The following C10orf90 variants were observed in gnomAD, a reference collection of about 807,000 sequenced individuals.
C10orf90 encodes the protein (E2-independent) E3 ubiquitin-conjugating enzyme FATS.
In C10orf90, 56 loss-of-function variants were observed where a neutral mutation model predicts 62.5. The observed-to-expected ratio is 0.90, with a 90% CI of 0.72 to 1.12. The LOEUF (loss-of-function observed/expected upper bound fraction) is 1.12, where lower values mean the gene tolerates loss of function less well. C10orf90 is among the 50% of genes most tolerant of loss of function. The pLI is 0.00. For missense variants in C10orf90, 970 were observed against 880.4 expected, an observed-to-expected ratio of 1.10 and a Z score of -1.29; for synonymous variants, 386 against 340.4, an observed-to-expected ratio of 1.13 and a Z score of -1.47.
intron 2 of C10orf90, among the ~76,000 whole-genome samples, chr10:126,553,781 C>A (rs1297357664): frequency 6.6e-6 from 1 of 152,158 alleles, no homozygotes; most frequent in East Asian, 1.9e-4. Context: ...CGACACGTTT[C>A]TCAGAACCTA....
intron 7 of C10orf90, among the ~76,000 whole-genome samples, chr10:126,430,651 G>T (rs1476864949): frequency 6.6e-6 from 1 of 152,196 alleles, no homozygotes; most frequent in African/African-American, 2.4e-5. Flanking sequence ...GCATGGGGGT[G>T]TGTTTCAGCA....
chr10:126,480,529 G>A (rs192376472), intron 4 of C10orf90, among the ~76,000 whole-genome samples: 26 of 152,328 alleles, frequency 1.7e-4, no homozygotes, highest in Non-Finnish European at 2.8e-4. Flanking sequence ...GAGCTTTCAG[G>A]CACATCAGTC....
At chr10:126,553,872 A>T (rs1335469518) in intron 2 of C10orf90, among the ~76,000 whole-genome samples, 1 of 152,210 alleles carries the variant, frequency 6.6e-6, no homozygotes, top group Non-Finnish European at 1.5e-5. Flanking sequence ...AGTTTTAGAA[A>T]GGATGTAGAA....
chr10:126,637,043 C>G (rs1035748065), intron 2 of C10orf90, among the ~76,000 whole-genome samples: 2 of 151,858 alleles, frequency 1.3e-5, no homozygotes, highest in African/African-American at 4.8e-5. Context: ...ATAAGGAAGT[C>G]GAAACAAATA....
At chr10:126,525,694 T>C (rs921392347) in intron 2 of C10orf90, among the ~76,000 whole-genome samples, 2 of 152,140 alleles carry the variant, frequency 1.3e-5, no homozygotes, top group African/African-American at 2.4e-5. Flanking sequence ...AGGCTCAAGA[T>C]GTTCACACCA....
intron 4 of C10orf90, among the ~76,000 whole-genome samples, chr10:126,489,172 T>C (rs1442964953): frequency 6.6e-6 from 1 of 152,144 alleles, no homozygotes; most frequent in African/African-American, 2.4e-5. Flanking sequence ...TTTTTAAAAG[T>C]ATAATGGATC....
intron 7 of C10orf90, among the ~76,000 whole-genome samples, chr10:126,442,654 T>TATA (rs1858466599): frequency 1.7e-5 from 1 of 58,562 alleles, no homozygotes; most frequent in South Asian, 4.9e-4. Context: ...TATATATATA[T>TATA]ATATATATAT....
At chr10:126,498,911 C>T (rs1862229451) in intron 4 of C10orf90, among the ~76,000 whole-genome samples, 1 of 152,168 alleles carries the variant, frequency 6.6e-6, no homozygotes, top group Non-Finnish European at 1.5e-5. Context: ...ATGTCATATC[C>T]CAGAACACTC....
At chr10:126,650,979 T>C (rs889021808) in intron 1 of C10orf90, among the ~76,000 whole-genome samples, 1 of 152,148 alleles carries the variant, frequency 6.6e-6, no homozygotes, top group African/African-American at 2.4e-5. Context: ...AAGACAATGG[T>C]AACATCAACA....
At chr10:126,640,488 T>G (rs1173336768) in intron 2 of C10orf90, among the ~76,000 whole-genome samples, 2 of 152,008 alleles carry the variant, frequency 1.3e-5, no homozygotes, top group African/African-American at 2.4e-5. Flanking sequence ...ATCCCTGAGC[T>G]TGGAAACATA....
chr10:126,654,207 C>G (rs1308399453), intron 1 of C10orf90, among the ~76,000 whole-genome samples: 1 of 152,174 alleles, frequency 6.6e-6, no homozygotes, highest in Non-Finnish European at 1.5e-5. Context: ...CCTGTGGAAG[C>G]CAGGCATTGA....
intron 2 of C10orf90, among the ~76,000 whole-genome samples, chr10:126,565,051 A>T (rs368600759): frequency 0.019 from 155 of 7,956 alleles, 42 homozygotes; most frequent in Middle Eastern, 0.5. Context: ...ATAATATATA[A>T]TATATAAAAT....
chr10:126,518,089 C>A (rs891577340), intron 2 of C10orf90, among the ~76,000 whole-genome samples: 1 of 151,990 alleles, frequency 6.6e-6, no homozygotes, highest in Non-Finnish European at 1.5e-5. Flanking sequence ...AGCAGCCCAG[C>A]CCCACTGCCC....
chr10:126,669,856 C>A (rs1414541068), intron 1 of C10orf90, among the ~76,000 whole-genome samples: 1 of 152,044 alleles, frequency 6.6e-6, no homozygotes, highest in African/African-American at 2.4e-5. Flanking sequence ...CAACAGGAAA[C>A]AAGTAGGAAT....
chr10:126,542,069 G>A (rs1285498077), intron 2 of C10orf90, among the ~76,000 whole-genome samples: 1 of 152,148 alleles, frequency 6.6e-6, no homozygotes, highest in Admixed American at 6.5e-5. Context: ...AGACACAAAA[G>A]GTCATATAGT....
intron 6 of C10orf90, among the ~76,000 whole-genome samples, chr10:126,459,647 A>C (rs1480570235): frequency 1.3e-5 from 2 of 152,360 alleles, no homozygotes; most frequent in East Asian, 3.9e-4. Context: ...AAGCCCCAAG[A>C]AGCACAGACA....
intron 7 of C10orf90, among the ~76,000 whole-genome samples, chr10:126,445,503 A>G (rs1478581567): frequency 6.6e-6 from 1 of 152,114 alleles, no homozygotes; most frequent in Non-Finnish European, 1.5e-5. Context: ...TAATAAAAAA[A>G]TCAAAAAACA....
At chr10:126,442,481 A>ATATATATATATATATATATCTATC (rs1554886161) in intron 7 of C10orf90, among the ~76,000 whole-genome samples, 1 of 59,164 alleles carries the variant, frequency 1.7e-5, no homozygotes, top group African/African-American at 6.1e-5. Flanking sequence ...AATATTTCAT[A>ATATATATATATATATATATCTATC]TATATATATA....
chr10:126,564,234 A>G lies in C10orf90; in HGVS notation c.314-50295T>C, dbSNP rs542540881. ...AGCAACTTTCCTCTCCACGCTGAGC[A>G]TTTTAGTCTCTGTGGGCTTTGTAAC... On this transcript the variant is annotated intron_variant, in intron 2 of 9. Coordinates refer to ENST00000488181, the MANE Select transcript of C10orf90 (RefSeq NM_001350921.2). 2.2e-3 allele frequency among the ~76,000 whole-genome samples: 337 copies of G among 152,106 alleles called. 5 individuals are homozygous for G. The highest frequency in any genetic ancestry group is 0.015 in the South Asian group (74 of 4,800).
Sources: gnomAD v4.1 joint callset for allele counts (sites outside exome capture counted in the v4.1 genomes callset) on GRCh38, gnomAD v4.1.1 for gene constraint, MANE v1.5 for transcripts, NCBI Gene and HGNC (gene_info 2026-07-23, HGNC 2026-07-21) for gene names.